PTAR1: variants seen among roughly 807,000 people sequenced by gnomAD.
PTAR1 encodes protein prenyltransferase alpha subunit repeat containing 1, also known as protein prenyltransferase alpha subunit repeat-containing protein 1.
A neutral mutation model predicts 45.5 loss-of-function variants in PTAR1; 17 were observed. The ratio of observed to expected loss-of-function variants is 0.37; its 90% CI spans 0.26 to 0.56. The LOEUF (loss-of-function observed/expected upper bound fraction) is 0.56, where lower values mean the gene tolerates loss of function less well. PTAR1 is among the 20% of genes least tolerant of loss of function. The pLI is 0.77. For synonymous variants in PTAR1, 169 were observed against 171.3 expected (o/e 0.99, Z 0.11); for missense variants, 391 against 476.3 (o/e 0.82, Z 1.67).
chr9:69,747,203 G>C (rs1315865303), intron 2 of PTAR1, among the ~76,000 whole-genome samples: 6 of 152,182 alleles, frequency 3.9e-5, no homozygotes, highest in Non-Finnish European at 7.3e-5. Context: ...CCAGGAAAAA[G>C]GTTGTTTAAT....
Position 69,711,707 on chromosome 9 carries a change from G to C in PTAR1, c.*6635C>G, listed in dbSNP as rs1243369318. The C allele has an allele frequency of 6.6e-6, 1 of 152,072 alleles. No homozygotes were observed. The highest frequency in any genetic ancestry group is 1.5e-5 in the Non-Finnish European group (1 of 68,002). The allele number at this position is 152,072 out of a possible 1,614,324, so 9.4% of individuals were successfully genotyped here. ...TTAATTACATTTATTAATATGCCTT[G>C]CACAAGAAAATACTACTTAATCTTT... On this transcript the variant is annotated 3_prime_UTR_variant, in exon 8 of 8. Transcript: ENST00000340434.
rs770705248 is a variant in PTAR1, at chr9:69,734,167, T to C, written c.411A>G (p.Pro137=). 1.9e-6 allele frequency: 3 copies of C among 1,580,964 alleles called. No individual in the cohort carries two copies. In the Admixed American group the frequency reaches 5.1e-5, roughly 27 times the overall value. The change falls in exon 4 of 8, where the codon CCA becomes CCG. Residue 137 remains proline, a synonymous_variant. Coordinates refer to ENST00000340434, the MANE Select transcript of PTAR1 (RefSeq NM_001099666.2). Reference sequence around the variant, plus strand: ...AACCACACCTGTGAATCCATGTTTCTGGACTCTTTGGAAACTTGGTTAAGG... The same window carrying C: ...AACCACACCTGTGAATCCATGTTTCCGGACTCTTTGGAAACTTGGTTAAGG... ...KLALTKFPKS[P]ETWIHRRWVL...
intron 5 of PTAR1, among the ~76,000 whole-genome samples, chr9:69,723,864 G>A (rs947638755): frequency 2.6e-5 from 4 of 151,904 alleles, no homozygotes; most frequent in Admixed American, 2.6e-4. Context: ...AGAATTTAAG[G>A]ACTCATTTGT....
At chr9:69,722,531 T>C (rs994348456) in intron 6 of PTAR1, among the ~76,000 whole-genome samples, 1 of 152,162 alleles carries the variant, frequency 6.6e-6, no homozygotes, top group African/African-American at 2.4e-5. Flanking sequence ...TTCAGGTAAG[T>C]TAATTTGCAG....
intron 4 of PTAR1, among the ~76,000 whole-genome samples, chr9:69,733,402 A>C (rs1043284295): frequency 6.6e-6 from 1 of 152,166 alleles, no homozygotes; most frequent in Non-Finnish European, 1.5e-5. Context: ...CGATTTAAGA[A>C]AAATTAGAGT....
intron 4 of PTAR1, 84 bp from the exon 5 acceptor site, chr9:69,732,436 T>A: frequency 2.1e-6 from 2 of 970,910 alleles, no homozygotes; most frequent in East Asian, 2.4e-5. Context: ...GTTCCTAATT[T>A]AATTTCCATT....
rs1396791862 is a variant in PTAR1, at chr9:69,723,415, A to C, written c.858T>G (p.Ile286Met). 4 of 1,613,736 alleles carry C rather than the reference A, an allele frequency of 2.5e-6. No homozygotes were observed. Among genetic ancestry groups the C allele is most frequent in the Non-Finnish European group, 2.5e-6 (3 of 1,179,794 alleles). The change falls in exon 6 of 8, where the codon ATT becomes ATG. Residue 286 changes from isoleucine to methionine, a missense_variant. Transcript: ENST00000340434. Reference protein sequence around the residue: ...EAAVSTEEPRINLPHLLEEEV... With the variant: ...EAAVSTEEPRMNLPHLLEEEV... Reference sequence around the variant, plus strand: ...CTTCTTCTAGAAGATGGGGAAGATTAATCCTTGGTTCTTCTGTTGAAACTG... The same window carrying C: ...CTTCTTCTAGAAGATGGGGAAGATTCATCCTTGGTTCTTCTGTTGAAACTG...
intron 3 of PTAR1, among the ~76,000 whole-genome samples, chr9:69,740,842 G>C (rs1174378073): frequency 6.6e-6 from 1 of 152,094 alleles, no homozygotes; most frequent in East Asian, 1.9e-4. Flanking sequence ...TGTTCTAACA[G>C]CTATATTAAA....
At chr9:69,724,657 T>C (rs1448229187) in intron 5 of PTAR1, among the ~76,000 whole-genome samples, 4 of 151,570 alleles carry the variant, frequency 2.6e-5, no homozygotes, top group African/African-American at 4.9e-5. Flanking sequence ...TGAACCCCCA[T>C]AGTACTTATG....
intron 1 of PTAR1, among the ~76,000 whole-genome samples, chr9:69,759,428 G>A (rs762591625): frequency 3.3e-5 from 5 of 152,078 alleles, no homozygotes; most frequent in Non-Finnish European, 4.4e-5. Flanking sequence ...AAAGTAAGAG[G>A]ATCGGTTACC....
At chr9:69,758,175 CCAAA>C (rs1254852015) in intron 1 of PTAR1, 1 of 152,138 alleles carries the variant, frequency 6.6e-6, no homozygotes, top group Admixed American at 6.5e-5. Flanking sequence ...GGGACATGTT[CCAAA>C]CTGCACTGTG....
Position 69,714,881 on chromosome 9 carries a change from C to T in PTAR1, c.*3461G>A, listed in dbSNP as rs1325455876. The T allele has an allele frequency of 1.3e-5, 2 of 151,984 alleles. No individual in the cohort carries two copies. The highest frequency in any genetic ancestry group is 3.9e-4 in the East Asian group (2 of 5,182). 9.4% of individuals were successfully genotyped at this position (151,984 alleles called of 1,614,324 possible). ...AAATCCCTAAGCTTAAAAAATGACT[C>T]ATACAGATTTAAGAAATATCTGAAA... On this transcript the variant is annotated 3_prime_UTR_variant, in exon 8 of 8. Coordinates refer to ENST00000340434, the MANE Select transcript of PTAR1 (RefSeq NM_001099666.2).
chr9:69,729,251 C>G (rs1002953294), intron 5 of PTAR1, among the ~76,000 whole-genome samples: 3 of 152,050 alleles, frequency 2.0e-5, no homozygotes, highest in Admixed American at 6.6e-5. Context: ...ACCTGGGAAG[C>G]GGAGGTTGCA....
At chr9:69,732,513 GT>G (rs1178170580) in intron 4 of PTAR1, among the ~76,000 whole-genome samples, 161 bp from the exon 5 acceptor site, 1 of 151,800 alleles carries the variant, frequency 6.6e-6, no homozygotes, top group Non-Finnish European at 1.5e-5. Context: ...GGGTTGTTTT[GT>G]TGTTTATGAT....
intron 1 of PTAR1, among the ~76,000 whole-genome samples, chr9:69,756,869 C>CAGT (rs1211469295): frequency 6.6e-6 from 1 of 152,222 alleles, no homozygotes; most frequent in African/African-American, 2.4e-5. Context: ...CTATGCATCA[C>CAGT]AGTAGTCACT....
chr9:69,732,082 A>G, intron 5 of PTAR1, 57 bp downstream of exon 5: 1 of 1,245,132 alleles, frequency 8.0e-7, no homozygotes, highest in South Asian at 1.3e-5. Context: ...ATGAACTACT[A>G]CCAGAAGATT....
chr9:69,731,413 A>C (rs1368507890), intron 5 of PTAR1, among the ~76,000 whole-genome samples: 1 of 152,180 alleles, frequency 6.6e-6, no homozygotes, highest in Non-Finnish European at 1.5e-5. Flanking sequence ...AAACTGAGAC[A>C]CCGTAGTATA....
In PTAR1 at chr9:69,714,392, A is replaced by G. The variant is rs1199111788; in HGVS notation, c.*3950T>C. 6.6e-6 allele frequency: 1 copy of G among 152,034 alleles called. No individual in the cohort carries two copies. Among genetic ancestry groups the G allele is most frequent in the East Asian group, 1.9e-4 (1 of 5,194 alleles). The allele number at this position is 152,034 out of a possible 1,614,324, so 9.4% of individuals were successfully genotyped here. ...AAATCTTTAGCATCTTCTATAACTCAGGGGAACTAAGGTAGGGATTATTAG... is the reference window on the plus strand; with the variant it reads ...AAATCTTTAGCATCTTCTATAACTCGGGGGAACTAAGGTAGGGATTATTAG... On this transcript the variant is annotated 3_prime_UTR_variant, in exon 8 of 8. Transcript: ENST00000340434.
In PTAR1 at chr9:69,712,124, T is replaced by C. The variant is rs1397303365; in HGVS notation, c.*6218A>G. The C allele has an allele frequency of 6.6e-6, 1 of 152,154 alleles. No individual in the cohort carries two copies. 9.4% of individuals were successfully genotyped at this position (152,154 alleles called of 1,614,324 possible). A position where few individuals can be genotyped will look rare whatever the true frequency, so the allele number is the denominator to read the frequency against. ...ATATGACAAGTAAACCTCAAATTTA[T>C]TACCTATCACCTTATAATGATAAAT... On this transcript the variant is annotated 3_prime_UTR_variant, in exon 8 of 8. Coordinates refer to ENST00000340434, the MANE Select transcript of PTAR1 (RefSeq NM_001099666.2).
Sources: allele counts gnomAD v4.1 joint callset (sites outside exome capture counted in the v4.1 genomes callset), GRCh38; gene constraint gnomAD v4.1.1; transcripts MANE v1.5; gene names NCBI Gene and HGNC (gene_info 2026-07-23, HGNC 2026-07-21).